ATP8B4: variants seen among roughly 807,000 people sequenced by gnomAD.
The protein encoded by ATP8B4 is ATPase phospholipid transporting 8B4 (putative).
Under a neutral mutation model 145.6 loss-of-function variants are expected in ATP8B4, and 133 were observed. The ratio of observed to expected loss-of-function variants is 0.91; its 90% CI spans 0.79 to 1.05. ATP8B4 has a LOEUF of 1.05. Among genes scored for constraint, ATP8B4 ranks in the 50% least tolerant of loss-of-function variants. The pLI is 0.00. For missense variants in ATP8B4, 1,458 were observed against 1,425.2 expected, an observed-to-expected ratio of 1.02 and a Z score of -0.37; for synonymous variants, 507 against 492.9, an observed-to-expected ratio of 1.03 and a Z score of -0.38.
intron 2 of ATP8B4, among the ~76,000 whole-genome samples, chr15:50,085,963 T>TATATGATATATATCATATA (rs1567331356): frequency 1.9e-5 from 1 of 53,802 alleles, no homozygotes; most frequent in African/African-American, 1.1e-4. Context: ...TCATATATAT[T>TATATGATATATATCATATA]TATATATGAT....
At chr15:50,120,067 T>C (rs2057251393), upstream of ATP8B4, among the ~76,000 whole-genome samples, 1 of 152,210 alleles carries the variant, frequency 6.6e-6, no homozygotes, top group Admixed American at 6.5e-5. Context: ...CTTTTAAATA[T>C]GCCTAAAGCC....
At chr15:50,139,742 G>C (rs1284599238) in intron 1 of ATP8B4, among the ~76,000 whole-genome samples, 2 of 152,144 alleles carry the variant, frequency 1.3e-5, no homozygotes, top group East Asian at 3.8e-4. Flanking sequence ...TTTATTTTCA[G>C]AAAATTCACT....
At chr15:50,073,060 T>C (rs1366319930) in intron 3 of ATP8B4, among the ~76,000 whole-genome samples, 1 of 135,786 alleles carries the variant, frequency 7.4e-6, no homozygotes, top group South Asian at 2.5e-4. Context: ...ACACTATACA[T>C]ATACGCATAT....
chr15:50,084,452 C>T (rs1167216761), intron 2 of ATP8B4, among the ~76,000 whole-genome samples: 2 of 152,162 alleles, frequency 1.3e-5, no homozygotes, highest in African/African-American at 2.4e-5. Flanking sequence ...AGCCACCATC[C>T]TCGAGGCCCA....
In ATP8B4 at chr15:49,921,913, T is replaced by TC. The variant is rs1183811862; in HGVS notation, c.1758+1465dup. ...GCTACTGTCTTGTAATGATCTTTTG[T>TC]CCTCTTAATTCACACAAGCACTTTT... On this transcript the variant is annotated intron_variant, in intron 17 of 27. Transcript: ENST00000284509. Among the ~76,000 whole-genome samples the TC allele has an allele frequency of 3.9e-5, 6 of 152,234 alleles. No individual in the cohort carries two copies. In the South Asian group the frequency reaches 6.2e-4, roughly 16 times the overall value.
At chr15:50,129,873 A>T (rs1167344232) in intron 1 of ATP8B4, among the ~76,000 whole-genome samples, 1 of 148,092 alleles carries the variant, frequency 6.8e-6, no homozygotes, top group Non-Finnish European at 1.5e-5. Context: ...GCTTGAACCC[A>T]GGAGGCGGAG....
chr15:50,095,614 A>G (rs1279893828), intron 2 of ATP8B4, among the ~76,000 whole-genome samples: 2 of 152,074 alleles, frequency 1.3e-5, no homozygotes, highest in African/African-American at 4.8e-5. Flanking sequence ...AAAACTAGCC[A>G]GGTGTGGTGG....
chr15:49,935,745 TA>T (rs2041682418), intron 14 of ATP8B4, among the ~76,000 whole-genome samples: 1 of 152,186 alleles, frequency 6.6e-6, no homozygotes, highest in Non-Finnish European at 1.5e-5. Flanking sequence ...TCTGGATTTA[TA>T]AATATTAGAC....
intron 1 of ATP8B4, among the ~76,000 whole-genome samples, chr15:50,157,676 G>A (rs139885832): frequency 6.6e-6 from 1 of 152,098 alleles, no homozygotes; most frequent in African/African-American, 2.4e-5. Context: ...GATAGAGATT[G>A]CACTGAATCT....
At chr15:50,102,459 T>C (rs1182591455) in intron 2 of ATP8B4, among the ~76,000 whole-genome samples, 2 of 152,228 alleles carry the variant, frequency 1.3e-5, no homozygotes, top group African/African-American at 4.8e-5. Context: ...AAGGCCACTA[T>C]GAACACCTTT....
intron 14 of ATP8B4, among the ~76,000 whole-genome samples, chr15:49,954,933 T>A (rs1020505133): frequency 6.6e-6 from 1 of 152,178 alleles, no homozygotes; most frequent in Non-Finnish European, 1.5e-5. Flanking sequence ...CAGATGCCCA[T>A]CAGCGGTGGA....
intron 6 of ATP8B4, among the ~76,000 whole-genome samples, chr15:50,013,290 G>C (rs2048851187): frequency 6.6e-6 from 1 of 152,104 alleles, no homozygotes; most frequent in African/African-American, 2.4e-5. Context: ...CATGTTTAAA[G>C]CAATCTTGCA....
intron 3 of ATP8B4, among the ~76,000 whole-genome samples, chr15:50,072,984 A>C (rs1402630765): frequency 9.5e-3 from 140 of 14,788 alleles, no homozygotes; most frequent in African/African-American, 0.014. Flanking sequence ...CTCTCTCTAT[A>C]TATATATATA....
intron 14 of ATP8B4, among the ~76,000 whole-genome samples, chr15:49,944,945 A>G (rs1801476464): frequency 1.3e-5 from 2 of 152,214 alleles, no homozygotes; most frequent in African/African-American, 2.4e-5. Context: ...GAAATTAAAT[A>G]GTATTCTTGA....
intron 1 of ATP8B4, among the ~76,000 whole-genome samples, chr15:50,162,614 C>T (rs1489602591): frequency 6.6e-6 from 1 of 152,118 alleles, no homozygotes; most frequent in Non-Finnish European, 1.5e-5. Flanking sequence ...TCACGCCATT[C>T]TCCTGCCTCA....
At chr15:50,053,037 A>G (rs2052313584) in intron 3 of ATP8B4, among the ~76,000 whole-genome samples, 1 of 152,256 alleles carries the variant, frequency 6.6e-6, no homozygotes, top group Non-Finnish European at 1.5e-5. Flanking sequence ...AGGTCTTTGC[A>G]TTAGTCCAGG....
At chr15:49,975,543 C>T (rs1408999543) in intron 12 of ATP8B4, among the ~76,000 whole-genome samples, 2 of 152,068 alleles carry the variant, frequency 1.3e-5, no homozygotes, top group South Asian at 2.1e-4. Flanking sequence ...CAGACACAAC[C>T]ATCCTTTTTT....
intron 15 of ATP8B4, among the ~76,000 whole-genome samples, chr15:49,932,484 A>G (rs1329580860): frequency 6.6e-6 from 1 of 152,090 alleles, no homozygotes; most frequent in Non-Finnish European, 1.5e-5. Context: ...ACGAAATAAC[A>G]TAAGTTCTAC....
chr15:49,902,009 T>C, intron 20 of ATP8B4: 1 of 221,058 alleles, frequency 4.5e-6, no homozygotes, highest in South Asian at 5.4e-5. Flanking sequence ...GAAGATTGTA[T>C]GGTGACATAG....
Sources: allele counts gnomAD v4.1 joint callset (sites outside exome capture counted in the v4.1 genomes callset), GRCh38; gene constraint gnomAD v4.1.1; transcripts MANE v1.5; gene names NCBI Gene and HGNC (gene_info 2026-07-23, HGNC 2026-07-21).